The following ATPAF1 variants were observed in gnomAD, a reference collection of about 807,000 sequenced individuals.
ATPAF1 encodes ATP synthase mitochondrial F1 complex assembly factor 1.
In ATPAF1, 26 loss-of-function variants were observed where a neutral mutation model predicts 43.9. The ratio of observed to expected loss-of-function variants is 0.59; its 90% CI spans 0.43 to 0.82. ATPAF1 has a LOEUF of 0.82. Among genes scored for constraint, ATPAF1 ranks in the 40% least tolerant of loss-of-function variants. The pLI is 0.00. For missense variants in ATPAF1, 366 were observed against 435.0 expected (o/e 0.84, Z 1.41); for synonymous variants, 157 against 168.0 (o/e 0.93, Z 0.50).
chr1:46,640,026 A>G (rs1281064479), intron 8 of ATPAF1, among the ~76,000 whole-genome samples: 1 of 152,176 alleles, frequency 6.6e-6, no homozygotes, highest in Non-Finnish European at 1.5e-5. Flanking sequence ...ATTGTCACTC[A>G]CTTGCATGAT....
At chr1:46,656,922 G>A (rs1676283729) in intron 4 of ATPAF1, among the ~76,000 whole-genome samples, 1 of 152,160 alleles carries the variant, frequency 6.6e-6, no homozygotes. Context: ...CTCTGTATCT[G>A]GCACAGAGTC....
chr1:46,660,029 T>G (rs1253099870), intron 2 of ATPAF1, among the ~76,000 whole-genome samples: 2 of 151,240 alleles, frequency 1.3e-5, no homozygotes, highest in Admixed American at 6.6e-5. Flanking sequence ...TAGGCTGGAG[T>G]GCAGTGGCAC....
At chr1:46,648,045 T>C (rs1159643419) in intron 6 of ATPAF1, among the ~76,000 whole-genome samples, 1 of 152,232 alleles carries the variant, frequency 6.6e-6, no homozygotes, top group African/African-American at 2.4e-5. Flanking sequence ...GTGACTAATG[T>C]TGCTATGAAT....
chr1:46,665,540 A>G (rs1676475073), intron 1 of ATPAF1, 176 bp from the exon 2 acceptor site: 3 of 1,222,964 alleles, frequency 2.5e-6, no homozygotes, highest in Non-Finnish European at 3.4e-6. Context: ...CTGGAAAAAG[A>G]AATCCTGTTA....
At chr1:46,650,240 T>C (rs1362596409) in intron 6 of ATPAF1, among the ~76,000 whole-genome samples, 1 of 150,276 alleles carries the variant, frequency 6.7e-6, no homozygotes, top group Non-Finnish European at 1.5e-5. Context: ...TTTGAACAGC[T>C]ATTACGAAAA....
At chr1:46,652,494 G>C in intron 6 of ATPAF1, 87 bp downstream of exon 6, 1 of 1,326,834 alleles carries the variant, frequency 7.5e-7, no homozygotes, top group Non-Finnish European at 1.1e-6. Context: ...TAACATGTGA[G>C]ACAGTATGGA....
At chr1:46,639,463 G>A (rs1675905976) in intron 8 of ATPAF1, among the ~76,000 whole-genome samples, 1 of 152,166 alleles carries the variant, frequency 6.6e-6, no homozygotes, top group African/African-American at 2.4e-5. Context: ...CCTTCTGCAT[G>A]TCTATCCTAG....
At position 46,635,981 on chromosome 1, in the gene ATPAF1, A is replaced by G. The variant is rs772436376; in HGVS notation, c.793-11T>C. On this transcript the variant is annotated splice_polypyrimidine_tract_variant and intron_variant, in intron 8 of 8. Transcript: ENST00000574428. ...TGCCTCAGCAACATTCTGTAAGGTA[A>G]AAAGAATAATGAGGTCCTTTCTTGC... 3 of 1,613,614 alleles carry G rather than the reference A, an allele frequency of 1.9e-6. No individual in the cohort carries two copies. The highest frequency in any genetic ancestry group is 1.1e-5 in the South Asian group (1 of 91,088).
intron 8 of ATPAF1, among the ~76,000 whole-genome samples, chr1:46,636,836 GAA>G (rs1200354308): frequency 1.3e-5 from 2 of 152,152 alleles, no homozygotes; most frequent in African/African-American, 4.8e-5. Flanking sequence ...CTTGCTCTGG[GAA>G]AAGTCAGTTG....
intron 1 of ATPAF1, chr1:46,665,976 C>A: frequency 1.5e-6 from 1 of 674,052 alleles, no homozygotes; most frequent in East Asian, 5.6e-5. Flanking sequence ...GGTGCTGTCC[C>A]TATTAAGAAT....
chr1:46,632,993 A>C (rs1675777319), downstream of ATPAF1: 1 of 152,684 alleles, frequency 6.5e-6, no homozygotes, highest in Non-Finnish European at 1.5e-5. Flanking sequence ...AAGACCTGGC[A>C]ATGTACATTT....
At chr1:46,643,383 G>A (rs1569598818) in intron 7 of ATPAF1, 82 bp from the exon 8 acceptor site, 1 of 1,152,082 alleles carries the variant, frequency 8.7e-7, no homozygotes, top group Non-Finnish European at 1.2e-6. Flanking sequence ...CAGTCTAGAG[G>A]AAATTCTGGC....
intron 4 of ATPAF1, among the ~76,000 whole-genome samples, chr1:46,654,891 T>G (rs927778268): frequency 6.6e-6 from 1 of 152,124 alleles, no homozygotes; most frequent in Non-Finnish European, 1.5e-5. Context: ...TATGGCTGCA[T>G]AGTATTCCAT....
intron 7 of ATPAF1, among the ~76,000 whole-genome samples, chr1:46,644,565 G>T (rs1383905020): frequency 1.3e-5 from 2 of 151,912 alleles, no homozygotes; most frequent in Non-Finnish European, 2.9e-5. Flanking sequence ...ATTCGTGCTT[G>T]TTTTTTGCCA....
intron 2 of ATPAF1, among the ~76,000 whole-genome samples, chr1:46,661,115 C>A (rs1447123556): frequency 6.6e-6 from 1 of 151,634 alleles, no homozygotes; most frequent in African/African-American, 2.4e-5. Flanking sequence ...CTCTGTCGCC[C>A]ACGCTGGAGT....
intron 6 of ATPAF1, among the ~76,000 whole-genome samples, chr1:46,650,851 GGA>G (rs1427791734): frequency 6.6e-6 from 1 of 151,828 alleles, no homozygotes; most frequent in Non-Finnish European, 1.5e-5. Flanking sequence ...GGAGAGAGTA[GGA>G]GAGTGGTTAC....
chr1:46,651,116 A>G (rs1248315407), intron 6 of ATPAF1, among the ~76,000 whole-genome samples: 3 of 152,170 alleles, frequency 2.0e-5, no homozygotes, highest in Non-Finnish European at 4.4e-5. Context: ...GTCATCTAGC[A>G]TTAGGTATAT....
intron 4 of ATPAF1, among the ~76,000 whole-genome samples, chr1:46,656,907 T>C (rs1364258060): frequency 6.6e-6 from 1 of 152,214 alleles, no homozygotes; most frequent in Admixed American, 6.5e-5. Flanking sequence ...GATTCTCTCA[T>C]TTATCTCTGT....
intron 6 of ATPAF1, among the ~76,000 whole-genome samples, chr1:46,645,661 C>G (rs560437288): frequency 3.3e-5 from 5 of 152,218 alleles, no homozygotes; most frequent in Admixed American, 2.6e-4. Context: ...CTGCTCCCAG[C>G]CTAAAACATT....
Sources: gnomAD v4.1 joint callset for allele counts (sites outside exome capture counted in the v4.1 genomes callset) on GRCh38, gnomAD v4.1.1 for gene constraint, MANE v1.5 for transcripts, NCBI Gene and HGNC (gene_info 2026-07-23, HGNC 2026-07-21) for gene names.